RAP1A: variants seen among roughly 807,000 people sequenced by gnomAD.
RAP1A encodes the protein ras-related protein Rap-1A.
Under a neutral mutation model 26.4 loss-of-function variants are expected in RAP1A, and 6 were observed. That is an observed-to-expected ratio of 0.23 (90% CI 0.12 to 0.45). RAP1A has a LOEUF of 0.45. RAP1A is among the 20% of genes least tolerant of loss of function. The pLI, the probability that RAP1A is intolerant of heterozygous loss-of-function variation, is 0.99. For missense variants in RAP1A, 121 were observed against 217.2 expected, an observed-to-expected ratio of 0.56 and a Z score of 2.78; for synonymous variants, 73 against 79.4, an observed-to-expected ratio of 0.92 and a Z score of 0.43.
chr1:111,630,031 T>TA (rs1397217220), intron 1 of RAP1A, among the ~76,000 whole-genome samples: 2 of 152,344 alleles, frequency 1.3e-5, no homozygotes, highest in African/African-American at 4.8e-5. Flanking sequence ...CCTGTTGTCT[T>TA]ACATTTTTAG....
At chr1:111,652,686 A>T (rs527710761) in intron 1 of RAP1A, among the ~76,000 whole-genome samples, 1 of 152,258 alleles carries the variant, frequency 6.6e-6, no homozygotes, top group South Asian at 2.1e-4. Context: ...ACACACTAGG[A>T]AGGCTGTAAT....
chr1:111,635,208 C>T (rs1418963937), intron 1 of RAP1A, among the ~76,000 whole-genome samples: 1 of 152,100 alleles, frequency 6.6e-6, no homozygotes, highest in African/African-American at 2.4e-5. Flanking sequence ...TACTGTTGTA[C>T]CTTGCCTTGG....
At chr1:111,575,987 A>G (rs549464307) in intron 1 of RAP1A, among the ~76,000 whole-genome samples, 2 of 152,326 alleles carry the variant, frequency 1.3e-5, no homozygotes, top group East Asian at 1.9e-4. Flanking sequence ...CAGTAGAATT[A>G]TTTTTCTACA....
At chr1:111,695,309 T>A in intron 2 of RAP1A, 32 bp from the exon 3 acceptor site, 7 of 1,494,702 alleles carry the variant, frequency 4.7e-6, no homozygotes, top group Non-Finnish European at 6.3e-6. Context: ...TTTCCTTTAA[T>A]TTTTTAATAT....
At chr1:111,620,019 T>G in intron 1 of RAP1A, 85 bp downstream of exon 1, 1 of 395,606 alleles carries the variant, frequency 2.5e-6, no homozygotes, top group Non-Finnish European at 4.5e-6. Flanking sequence ...GCGGCTCATG[T>G]CGCCGGTCAG....
intron 1 of RAP1A, among the ~76,000 whole-genome samples, chr1:111,671,560 C>T (rs906832516): frequency 1.6e-4 from 25 of 152,216 alleles, no homozygotes; most frequent in African/African-American, 5.8e-4. Context: ...CTGCAACCTC[C>T]GCCTCCCTGG....
intron 1 of RAP1A, chr1:111,648,613 G>T (rs1270809570): frequency 5.7e-6 from 3 of 525,424 alleles, no homozygotes; most frequent in Non-Finnish European, 1.1e-5. Context: ...ACCTCCCTCA[G>T]TCTGTTCTAC....
intron 1 of RAP1A, among the ~76,000 whole-genome samples, chr1:111,572,116 T>C (rs1170569387): frequency 6.6e-6 from 1 of 152,222 alleles, no homozygotes; most frequent in Non-Finnish European, 1.5e-5. Flanking sequence ...AGCAGAAAGA[T>C]GCATCAGCAC....
chr1:111,567,179 A>G (rs1657938179), intron 1 of RAP1A, among the ~76,000 whole-genome samples: 1 of 152,116 alleles, frequency 6.6e-6, no homozygotes, highest in South Asian at 2.1e-4. Flanking sequence ...TCATTGTAGA[A>G]CTACATTATG....
chr1:111,548,781 T>C (rs1657136279), intron 1 of RAP1A, among the ~76,000 whole-genome samples: 1 of 152,214 alleles, frequency 6.6e-6, no homozygotes, highest in African/African-American at 2.4e-5. Flanking sequence ...CCATAAACTT[T>C]TTGTAAAGCA....
intron 1 of RAP1A, among the ~76,000 whole-genome samples, chr1:111,560,931 G>A (rs1056639331): frequency 2.0e-5 from 3 of 152,088 alleles, no homozygotes; most frequent in African/African-American, 7.2e-5. Flanking sequence ...TGTAACAACC[G>A]CACCAGATCT....
intron 1 of RAP1A, chr1:111,649,451 C>G (rs1660189513): frequency 2.9e-6 from 1 of 348,846 alleles, no homozygotes; most frequent in Admixed American, 3.1e-5. Flanking sequence ...GCCCCCAGCA[C>G]CTGGATAGAC....
upstream of RAP1A, among the ~76,000 whole-genome samples, chr1:111,616,389 G>A (rs1019647344): frequency 6.6e-6 from 1 of 152,182 alleles, no homozygotes; most frequent in African/African-American, 2.4e-5. Context: ...GAGGACAGAA[G>A]CCCAAGGGCT....
At chr1:111,614,450 A>C (rs1337408954) in intron 1 of RAP1A, among the ~76,000 whole-genome samples, 2 of 152,170 alleles carry the variant, frequency 1.3e-5, no homozygotes, top group South Asian at 4.1e-4. Context: ...TATGTATCAC[A>C]ATCTTCTTAA....
chr1:111,688,078 G>A (rs1314273670), intron 1 of RAP1A, among the ~76,000 whole-genome samples: 1 of 137,940 alleles, frequency 7.2e-6, no homozygotes, highest in African/African-American at 2.6e-5. Flanking sequence ...ATGTATGCTG[G>A]TGAACTTTTT....
intron 1 of RAP1A, among the ~76,000 whole-genome samples, chr1:111,640,339 T>C (rs1418425185): frequency 6.6e-6 from 1 of 152,236 alleles, no homozygotes; most frequent in Non-Finnish European, 1.5e-5. Flanking sequence ...TTTATAAAAC[T>C]TCAAATGTTT....
intron 1 of RAP1A, among the ~76,000 whole-genome samples, chr1:111,627,743 A>G (rs1389214208): frequency 6.6e-6 from 1 of 152,098 alleles, no homozygotes; most frequent in Non-Finnish European, 1.5e-5. Context: ...CTGTGACCAA[A>G]AAAAAAATTA....
Position 111,693,743 on chromosome 1 carries a change from C to T in RAP1A, c.58-1598C>T, listed in dbSNP as rs1054182009. Among the ~76,000 whole-genome samples, 8 of 152,250 alleles carry T rather than the reference C, an allele frequency of 5.3e-5. No individual in the cohort carries two copies. In the East Asian group the frequency reaches 1.5e-3, roughly 29 times the overall value. ...GTTCTATACCCTTTGGAAGATTCCA[C>T]TGTAAACTTATGAGAGAAGAAGAAG... On this transcript the variant is annotated intron_variant, in intron 2 of 7. Coordinates refer to ENST00000369709, the MANE Select transcript of RAP1A (RefSeq NM_002884.4).
At chr1:111,688,815 T>TG (rs1210955404) in intron 1 of RAP1A, among the ~76,000 whole-genome samples, 3 of 72,708 alleles carry the variant, frequency 4.1e-5, no homozygotes, top group South Asian at 4.7e-4. Flanking sequence ...TTTGTTTTTT[T>TG]TTTTTTGTTT....
Sources: gnomAD v4.1 joint callset for allele counts (sites outside exome capture counted in the v4.1 genomes callset) on GRCh38, gnomAD v4.1.1 for gene constraint, MANE v1.5 for transcripts, NCBI Gene and HGNC (gene_info 2026-07-23, HGNC 2026-07-21) for gene names.